ZIM2: variants seen among roughly 807,000 people sequenced by gnomAD.
ZIM2 encodes zinc finger protein 656.
Under a neutral mutation model 38.6 loss-of-function variants are expected in ZIM2, and 14 were observed. That is an observed-to-expected ratio of 0.36 (90% CI 0.24 to 0.57). ZIM2 has a LOEUF of 0.57. Among genes scored for constraint, ZIM2 ranks in the 20% least tolerant of loss-of-function variants. ZIM2 has a pLI of 0.81. For synonymous variants in ZIM2, 247 were observed against 245.8 expected, an observed-to-expected ratio of 1.00 and a Z score of -0.04; for missense variants, 680 against 695.1, an observed-to-expected ratio of 0.98 and a Z score of 0.24.
chr19:56,814,964 C>T lies in ZIM2; in HGVS notation c.490+2782G>A. On this transcript the variant is annotated intron_variant, in intron 9 of 12. Transcript: ENST00000629319. The surrounding 1 kb of genome is among the most constrained non-coding windows in gnomAD (Gnocchi z 5.8). ...CACTTTGGACATTCATACAGCTGCT[C>T]TCCAGTGTAATCTCTCTGATACTCG... 2 of 1,614,130 alleles carry T rather than the reference C, an allele frequency of 1.2e-6. No individual in the cohort carries two copies. The highest frequency in any genetic ancestry group is 1.1e-5 in the South Asian group (1 of 91,084).
At chr19:56,839,124 A>C (rs1469043151) in intron 1 of ZIM2, among the ~76,000 whole-genome samples, 1 of 151,844 alleles carries the variant, frequency 6.6e-6, no homozygotes, top group African/African-American at 2.4e-5. Context: ...AAGCACTTTC[A>C]TTAAAGATGG....
At chr19:56,821,141 G>T (rs2060449479) in intron 7 of ZIM2, among the ~76,000 whole-genome samples, 1 of 152,210 alleles carries the variant, frequency 6.6e-6, no homozygotes, top group African/African-American at 2.4e-5. Context: ...ACTTTTCACA[G>T]CAGCCCTGGG....
Position 56,774,558 on chromosome 19 carries a change from T to G in ZIM2, c.*130A>C. The G allele has an allele frequency of 7.1e-7, 1 of 1,409,292 alleles. No individual in the cohort carries two copies. Among genetic ancestry groups the G allele is most frequent in the Non-Finnish European group, 9.4e-7 (1 of 1,065,058 alleles). 87.3% of individuals were successfully genotyped at this position (1,409,292 alleles called of 1,614,324 possible). A position where few individuals can be genotyped will look rare whatever the true frequency, so the allele number is the denominator to read the frequency against. On this transcript the variant is annotated 3_prime_UTR_variant, in exon 13 of 13. Coordinates refer to ENST00000629319, the MANE Select transcript of ZIM2 (RefSeq NM_001387356.1). ...CGAAAAATTGCAACTTTTTTTTTTTTTTTACCACACTTTGATGAATGTTCA... is the reference window on the plus strand; with the variant it reads ...CGAAAAATTGCAACTTTTTTTTTTTGTTTACCACACTTTGATGAATGTTCA...
intron 9 of ZIM2, among the ~76,000 whole-genome samples, chr19:56,809,631 C>G (rs2146049484): frequency 6.6e-6 from 1 of 152,278 alleles, no homozygotes; most frequent in Non-Finnish European, 1.5e-5. Flanking sequence ...GGGGGAAAAA[C>G]AGTACAGAGA....
At chr19:56,828,547 A>G (rs959540913) in intron 2 of ZIM2, among the ~76,000 whole-genome samples, 11 of 152,212 alleles carry the variant, frequency 7.2e-5, no homozygotes, top group Non-Finnish European at 1.5e-5. Context: ...AATGGCAGAG[A>G]CCACTGAAAG....
intron 10 of ZIM2, 198 bp from the exon 11 acceptor site, chr19:56,782,319 G>T (rs1011959333): frequency 1.4e-6 from 1 of 702,830 alleles, no homozygotes; most frequent in Non-Finnish European, 2.3e-6. Context: ...ACAGATTTGG[G>T]TTGAGGGGGA....
At chr19:56,778,470 A>G (rs2046141160) in intron 12 of ZIM2, among the ~76,000 whole-genome samples, 1 of 152,230 alleles carries the variant, frequency 6.6e-6, no homozygotes, top group South Asian at 2.1e-4. Context: ...ATATAACCCG[A>G]TATGGAACAA....
chr19:56,774,829 G>A lies in ZIM2; in HGVS notation c.1536C>T (p.Leu512=). The A allele has an allele frequency of 1.9e-6, 3 of 1,614,132 alleles. No homozygotes were observed. Among genetic ancestry groups the A allele is most frequent in the Non-Finnish European group, 2.5e-6 (3 of 1,180,028 alleles). Residue 512 remains leucine, a synonymous_variant, in exon 13 of 13, where the codon CTC becomes CTT. Transcript: ENST00000629319. ...CGRVFSRNSY[L]IQHYRTHTQE... The stretch of plus-strand genomic sequence containing the variant: ...GAGTGTGAGTTCTATAATGCTGAAT[G>A]AGATATGAATTCCGACTGAAGACTC...
intron 2 of ZIM2, among the ~76,000 whole-genome samples, chr19:56,828,179 C>T (rs1021624904): frequency 2.6e-5 from 4 of 152,148 alleles, no homozygotes; most frequent in Non-Finnish European, 4.4e-5. Flanking sequence ...CTCCCCGCAT[C>T]GCCTCCCTAT....
At chr19:56,799,502 C>T (rs2047400119) in intron 9 of ZIM2, 1 of 152,032 alleles carries the variant, frequency 6.6e-6, no homozygotes, top group Non-Finnish European at 1.5e-5. Flanking sequence ...GCATGCTGGG[C>T]TTAATACCTA....
intron 10 of ZIM2, chr19:56,782,421 C>T (rs2046372621): frequency 6.4e-6 from 3 of 470,202 alleles, no homozygotes; most frequent in Non-Finnish European, 1.3e-5. Context: ...GAATCAGAGT[C>T]CTGGCTCTGG....
chr19:56,838,849 G>C (rs986906162), intron 1 of ZIM2, among the ~76,000 whole-genome samples: 1 of 152,152 alleles, frequency 6.6e-6, no homozygotes, highest in South Asian at 2.1e-4. Flanking sequence ...CCGTGGCCCC[G>C]CCCCTCCCTG....
chr19:56,835,614 C>T (rs1277200127), intron 2 of ZIM2, among the ~76,000 whole-genome samples: 1 of 152,222 alleles, frequency 6.6e-6, no homozygotes, highest in African/African-American at 2.4e-5. Context: ...TTTTCCACAG[C>T]TTTAATTCCC....
At chr19:56,817,200 C>T (rs375579267) in intron 9 of ZIM2, 45 of 1,614,090 alleles carry the variant, frequency 2.8e-5, no homozygotes, top group Non-Finnish European at 3.7e-5. Context: ...ATTCAAAGGG[C>T]TTCTTCCTGG....
At chr19:56,811,691 T>C in intron 9 of ZIM2, 1 of 985,574 alleles carries the variant, frequency 1.0e-6, no homozygotes. Context: ...TTTTCCCATG[T>C]AGTAAACCTC....
chr19:56,784,164 C>T (rs1284821008), intron 10 of ZIM2, among the ~76,000 whole-genome samples: 1 of 152,174 alleles, frequency 6.6e-6, no homozygotes, highest in Admixed American at 6.5e-5. Flanking sequence ...CTGGCAATCA[C>T]AGATTCTTAA....
intron 9 of ZIM2, chr19:56,816,401 T>C (rs777534287): frequency 3.7e-6 from 6 of 1,613,884 alleles, no homozygotes; most frequent in South Asian, 3.3e-5. Flanking sequence ...AGCTTCTCCT[T>C]ATTGTAAGTT....
chr19:56,785,798 AAC>A (rs1350938025), intron 10 of ZIM2, among the ~76,000 whole-genome samples: 1 of 152,214 alleles, frequency 6.6e-6, no homozygotes, highest in Non-Finnish European at 1.5e-5. Context: ...GATCTTGTTA[AAC>A]ACAGATTCTA....
chr19:56,780,778 T>A (rs1447605967), intron 11 of ZIM2, among the ~76,000 whole-genome samples: 2 of 152,200 alleles, frequency 1.3e-5, no homozygotes, highest in Non-Finnish European at 2.9e-5. Flanking sequence ...ACTGATATTC[T>A]CTACGTGATA....
Sources: allele counts gnomAD v4.1 joint callset (sites outside exome capture counted in the v4.1 genomes callset), GRCh38; gene constraint gnomAD v4.1.1; non-coding constraint Gnocchi (gnomAD v3.1); transcripts MANE v1.5; gene names NCBI Gene and HGNC (gene_info 2026-07-23, HGNC 2026-07-21).